The following UNC5D variants were observed in gnomAD, a reference collection of about 807,000 sequenced individuals.
The protein encoded by UNC5D is netrin receptor UNC5D.
A neutral mutation model predicts 105.4 loss-of-function variants in UNC5D; 39 were observed. The ratio of observed to expected loss-of-function variants is 0.37; its 90% CI spans 0.29 to 0.48. The LOEUF (loss-of-function observed/expected upper bound fraction) is 0.48, where lower values mean the gene tolerates loss of function less well. Among genes scored for constraint, UNC5D ranks in the 20% least tolerant of loss-of-function variants. The pLI is 0.98. For synonymous variants in UNC5D, 452 were observed against 450.4 expected, an observed-to-expected ratio of 1.00 and a Z score of -0.04; for missense variants, 991 against 1,202.4, an observed-to-expected ratio of 0.82 and a Z score of 2.60.
chr8:35,790,672 T>G lies in UNC5D; in HGVS notation c.*109T>G. ...GCGTTGGGGGAATTCAGCCTTCATT[T>G]ATAATCAGTGAGATTCCCCTGTTGA... On this transcript the variant is annotated 3_prime_UTR_variant, in exon 17 of 17. Coordinates refer to ENST00000404895, the MANE Select transcript of UNC5D (RefSeq NM_080872.4). The G allele has an allele frequency of 8.1e-7, 1 of 1,233,042 alleles. No homozygotes were observed. Among genetic ancestry groups the G allele is most frequent in the Non-Finnish European group, 1.1e-6 (1 of 871,436 alleles). 76.4% of individuals were successfully genotyped at this position (1,233,042 alleles called of 1,614,324 possible). A position where few individuals can be genotyped will look rare whatever the true frequency, so the allele number is the denominator to read the frequency against.
intron 1 of UNC5D, among the ~76,000 whole-genome samples, chr8:35,344,271 C>A (rs16883849): frequency 0.025 from 3,831 of 152,080 alleles, 159 homozygotes; most frequent in African/African-American, 0.086. Context: ...ACCCGGCTGA[C>A]CTTCTGGGCT....
In UNC5D at chr8:35,348,385, A is replaced by G. The variant is rs1015230722; in HGVS notation, c.103+112498A>G. 2.0e-5 allele frequency among the ~76,000 whole-genome samples: 3 copies of G among 151,950 alleles called. No individual in the cohort carries two copies. The Admixed American group carries it at 2.0e-4, about 10-fold the overall frequency. On this transcript the variant is annotated intron_variant, in intron 1 of 16. Coordinates refer to ENST00000404895, the MANE Select transcript of UNC5D (RefSeq NM_080872.4). The stretch of plus-strand genomic sequence containing the variant: ...GGCACAGTTGGGAAATAAACATTCA[A>G]TAATTACAAAGTCTGTTGGGGAGTA...
At chr8:35,274,563 C>A (rs904546031) in intron 1 of UNC5D, among the ~76,000 whole-genome samples, 4 of 152,138 alleles carry the variant, frequency 2.6e-5, no homozygotes, top group African/African-American at 9.7e-5. Context: ...TTTATATCAG[C>A]CTGAAGAGAA....
intron 1 of UNC5D, among the ~76,000 whole-genome samples, chr8:35,510,058 T>G (rs905681601): frequency 1.3e-5 from 2 of 152,138 alleles, no homozygotes; most frequent in Non-Finnish European, 2.9e-5. Context: ...TCCAGCAACC[T>G]GGAGGCTACC....
chr8:35,552,991 G>A (rs1816277697), intron 2 of UNC5D, among the ~76,000 whole-genome samples: 1 of 152,158 alleles, frequency 6.6e-6, no homozygotes, highest in East Asian at 1.9e-4. Context: ...GTGGCTCACT[G>A]GGGCTGTATG....
chr8:35,570,098 G>A (rs1817617368), intron 3 of UNC5D, among the ~76,000 whole-genome samples: 1 of 152,214 alleles, frequency 6.6e-6, no homozygotes, highest in Non-Finnish European at 1.5e-5. Flanking sequence ...ATGTTGCAAA[G>A]ACTGGCTCAA....
At chr8:35,459,140 G>A (rs1419645880) in intron 1 of UNC5D, among the ~76,000 whole-genome samples, 1 of 152,116 alleles carries the variant, frequency 6.6e-6, no homozygotes, top group Non-Finnish European at 1.5e-5. Flanking sequence ...TTTGTGGTAT[G>A]AGGGGAAGAA....
chr8:35,639,756 T>A (rs547983214), intron 4 of UNC5D, among the ~76,000 whole-genome samples: 1 of 152,230 alleles, frequency 6.6e-6, no homozygotes, highest in African/African-American at 2.4e-5. Flanking sequence ...TTCTTTTTTC[T>A]TTTTTTAAGA....
chr8:35,342,627 G>A (rs1353602672), intron 1 of UNC5D, among the ~76,000 whole-genome samples: 1 of 152,060 alleles, frequency 6.6e-6, no homozygotes, highest in Non-Finnish European at 1.5e-5. Flanking sequence ...ATTTGGTAAA[G>A]TGGTGTGAAC....
intron 4 of UNC5D, among the ~76,000 whole-genome samples, chr8:35,652,106 C>T (rs992217179): frequency 1.3e-5 from 2 of 152,106 alleles, no homozygotes. Context: ...TATATATGAG[C>T]GCTCACCAGC....
At chr8:35,323,006 C>T (rs1003645570) in intron 1 of UNC5D, among the ~76,000 whole-genome samples, 4 of 152,038 alleles carry the variant, frequency 2.6e-5, no homozygotes, top group East Asian at 3.9e-4. Flanking sequence ...TCTGCCTCTG[C>T]AATCCAGTCT....
intron 1 of UNC5D, among the ~76,000 whole-genome samples, chr8:35,264,234 A>G (rs951572342): frequency 2.0e-5 from 3 of 152,234 alleles, no homozygotes; most frequent in Non-Finnish European, 2.9e-5. Flanking sequence ...CAGGCACTGC[A>G]GATGTTCTAC....
At chr8:35,442,784 T>A (rs58944235) in intron 1 of UNC5D, among the ~76,000 whole-genome samples, 2 of 151,896 alleles carry the variant, frequency 1.3e-5, no homozygotes, top group African/African-American at 4.8e-5. Flanking sequence ...GCTTAGATTA[T>A]ATGAGAGCAA....
intron 4 of UNC5D, among the ~76,000 whole-genome samples, chr8:35,603,299 T>G: frequency 6.6e-6 from 1 of 152,222 alleles, no homozygotes. Flanking sequence ...TTTCATTATG[T>G]ACCCAGTAGT....
chr8:35,533,607 TAAGC>T (rs1169178647), intron 1 of UNC5D, among the ~76,000 whole-genome samples: 3 of 152,242 alleles, frequency 2.0e-5, no homozygotes, highest in African/African-American at 7.2e-5. Context: ...TTTGTTTACC[TAAGC>T]AAGCCTGGAC....
intron 1 of UNC5D, chr8:35,255,071 T>C (rs1406379166): frequency 6.6e-6 from 1 of 152,192 alleles, no homozygotes; most frequent in Admixed American, 6.5e-5. Flanking sequence ...AGAAGCCACA[T>C]CTCTCATGGT....
intron 3 of UNC5D, among the ~76,000 whole-genome samples, chr8:35,576,783 T>G (rs2130822688): frequency 6.6e-6 from 1 of 152,218 alleles, no homozygotes; most frequent in South Asian, 2.1e-4. Flanking sequence ...CAGCTAACTT[T>G]TTTGTATTTT....
intron 10 of UNC5D, among the ~76,000 whole-genome samples, chr8:35,730,237 C>A (rs1010935141): frequency 2.0e-5 from 3 of 152,212 alleles, no homozygotes; most frequent in African/African-American, 7.2e-5. Context: ...GCAGTATTTT[C>A]TTCACAGCGT....
At chr8:35,407,531 A>G (rs1042640047) in intron 1 of UNC5D, among the ~76,000 whole-genome samples, 1 of 151,982 alleles carries the variant, frequency 6.6e-6, no homozygotes, top group Non-Finnish European at 1.5e-5. Context: ...GTATGTATGT[A>G]TGTATGTATG....
Sources: allele counts gnomAD v4.1 joint callset (sites outside exome capture counted in the v4.1 genomes callset), GRCh38; gene constraint gnomAD v4.1.1; transcripts MANE v1.5; gene names NCBI Gene and HGNC (gene_info 2026-07-23, HGNC 2026-07-21).